Variants in NRG3 observed in about 807,000 individuals in gnomAD.
NRG3 encodes the protein neuregulin 3.
A neutral mutation model predicts 66.9 loss-of-function variants in NRG3; 31 were observed. That is an observed-to-expected ratio of 0.46 (90% CI 0.35 to 0.63). The LOEUF is 0.63. Ranked by LOEUF, NRG3 falls within the 20% of genes least tolerant of loss-of-function variation. The pLI is 0.00. For synonymous variants in NRG3, 393 were observed against 359.4 expected (o/e 1.09, Z -1.06); for missense variants, 910 against 878.9 (o/e 1.04, Z -0.45).
At chr10:82,014,786 T>C (rs1269431476) in intron 1 of NRG3, among the ~76,000 whole-genome samples, 1 of 152,038 alleles carries the variant, frequency 6.6e-6, no homozygotes, top group Non-Finnish European at 1.5e-5. Context: ...ACTAAAGGCA[T>C]GCAGTAGGAA....
chr10:82,378,017 G>A (rs965459951), intron 2 of NRG3, among the ~76,000 whole-genome samples: 1 of 152,228 alleles, frequency 6.6e-6, no homozygotes, highest in Non-Finnish European at 1.5e-5. Context: ...TGGATAACCA[G>A]TGAAGGGGAA....
intron 2 of NRG3, among the ~76,000 whole-genome samples, chr10:82,441,528 T>C (rs1264289918): frequency 6.6e-6 from 1 of 152,174 alleles, no homozygotes; most frequent in East Asian, 1.9e-4. Flanking sequence ...TGTATAAATA[T>C]CAGTACTTTG....
chr10:82,200,662 A>G lies in NRG3; in HGVS notation c.824-158077A>G, dbSNP rs80105738. ...AGAGAGAAAGTAAGTCGCATGCCCG[A>G]AGTCAAGCAGCTAGTACTGCAATGA... On this transcript the variant is annotated intron_variant, in intron 1 of 8. Transcript: ENST00000372141. 6.1e-3 allele frequency among the ~76,000 whole-genome samples: 931 copies of G among 152,244 alleles called. 10 individuals carry two copies. Among genetic ancestry groups the G allele is most frequent in the African/African-American group, 0.021 (888 of 41,552 alleles).
chr10:82,495,732 C>A (rs1453708602), intron 2 of NRG3, among the ~76,000 whole-genome samples: 2 of 151,904 alleles, frequency 1.3e-5, no homozygotes, highest in Non-Finnish European at 2.9e-5. Context: ...TAAGCCTCAT[C>A]AAATTCCTGG....
chr10:82,636,397 C>T (rs1291337668), intron 2 of NRG3, among the ~76,000 whole-genome samples: 1 of 152,032 alleles, frequency 6.6e-6, no homozygotes, highest in African/African-American at 2.4e-5. Context: ...CCTGGAGAAA[C>T]ATTAGTTTGC....
intron 1 of NRG3, among the ~76,000 whole-genome samples, chr10:82,015,526 G>C (rs1404794761): frequency 6.6e-6 from 1 of 151,990 alleles, no homozygotes; most frequent in Non-Finnish European, 1.5e-5. Context: ...TTGAATCATG[G>C]GGGTGGTTTC....
intron 4 of NRG3, among the ~76,000 whole-genome samples, chr10:82,910,021 A>AT (rs1256882889): frequency 6.6e-6 from 1 of 152,236 alleles, no homozygotes; most frequent in Non-Finnish European, 1.5e-5. Context: ...GAAGGTCTTG[A>AT]TTGCATATTG....
intron 2 of NRG3, among the ~76,000 whole-genome samples, chr10:82,517,225 T>G (rs1845744269): frequency 6.6e-6 from 1 of 152,150 alleles, no homozygotes; most frequent in African/African-American, 2.4e-5. Flanking sequence ...CCATCTGGCC[T>G]AATGAGATTC....
Position 82,824,747 on chromosome 10 carries a change from C to T in NRG3, c.1028-40664C>T, listed in dbSNP as rs376489730. The stretch of plus-strand genomic sequence containing the variant: ...TTTTTTTTTTTTTGAGGCAGGGTCT[C>T]ACTCTGTCACCCAGGCTTTAGTGTA... On this transcript the variant is annotated intron_variant, in intron 3 of 8. Coordinates refer to ENST00000372141, the MANE Select transcript of NRG3 (RefSeq NM_001010848.4). Among the ~76,000 whole-genome samples, 22 of 148,846 alleles carry T rather than the reference C, an allele frequency of 1.5e-4. No homozygotes were observed. The East Asian group carries it at 2.6e-3, about 17-fold the overall frequency.
At chr10:82,498,767 A>G (rs1843852618) in intron 2 of NRG3, among the ~76,000 whole-genome samples, 1 of 152,140 alleles carries the variant, frequency 6.6e-6, no homozygotes, top group South Asian at 2.1e-4. Context: ...CCTGTCACTC[A>G]ATGTTGCCTC....
In NRG3 at chr10:82,181,784, A is replaced by T. The variant is rs576997783; in HGVS notation, c.824-176955A>T. On this transcript the variant is annotated intron_variant, in intron 1 of 8. Transcript: ENST00000372141. ...TGTTTATAAGGCCCATTTGTTTTATATTGTGCAAGTTCTCTTTCCTTATTG... is the reference window on the plus strand; with the variant it reads ...TGTTTATAAGGCCCATTTGTTTTATTTTGTGCAAGTTCTCTTTCCTTATTG... Among the ~76,000 whole-genome samples, 6 of 151,824 alleles carry T rather than the reference A, an allele frequency of 4.0e-5. No individual in the cohort carries two copies. The South Asian group carries it at 1.2e-3, about 31-fold the overall frequency.
At chr10:82,529,903 A>G (rs1847093312) in intron 2 of NRG3, among the ~76,000 whole-genome samples, 1 of 152,182 alleles carries the variant, frequency 6.6e-6, no homozygotes, top group Admixed American at 6.6e-5. Context: ...AAAAAAGTCA[A>G]ACTGAAGTAG....
chr10:82,592,100 T>C (rs34321233), intron 2 of NRG3, among the ~76,000 whole-genome samples: 15,750 of 152,232 alleles, frequency 0.1, 1,047 homozygotes, highest in South Asian at 0.15. Flanking sequence ...TTAATAAGGA[T>C]AAACAAAACT....
chr10:82,628,020 G>T (rs1440918431), intron 2 of NRG3, among the ~76,000 whole-genome samples: 1 of 152,116 alleles, frequency 6.6e-6, no homozygotes, highest in Non-Finnish European at 1.5e-5. Flanking sequence ...AAACAAAGAC[G>T]CTTTACAAAG....
chr10:82,488,913 G>A (rs1314358226), intron 2 of NRG3, among the ~76,000 whole-genome samples: 1 of 152,132 alleles, frequency 6.6e-6, no homozygotes. Flanking sequence ...GCCTTGAATT[G>A]TGAATTTTTA....
At chr10:81,957,947 C>T (rs1454687132) in intron 1 of NRG3, among the ~76,000 whole-genome samples, 1 of 152,132 alleles carries the variant, frequency 6.6e-6, no homozygotes, top group Non-Finnish European at 1.5e-5. Context: ...ATTTATTCTT[C>T]TAAAATAAGT....
intron 1 of NRG3, among the ~76,000 whole-genome samples, chr10:82,014,471 C>T (rs1173172735): frequency 6.6e-6 from 1 of 152,156 alleles, no homozygotes. Context: ...AGCTAAACAC[C>T]ATCACAGAGT....
chr10:82,098,692 T>G (rs941356945), intron 1 of NRG3, among the ~76,000 whole-genome samples: 4 of 152,204 alleles, frequency 2.6e-5, no homozygotes, highest in Admixed American at 2.0e-4. Flanking sequence ...TTTTTGTTGT[T>G]GTTAGATATG....
chr10:82,096,187 A>G (rs966734422), intron 1 of NRG3, among the ~76,000 whole-genome samples: 1 of 152,154 alleles, frequency 6.6e-6, no homozygotes, highest in Admixed American at 6.5e-5. Flanking sequence ...TAAAAAATAC[A>G]TGAACATGGC....
Sources: gnomAD v4.1 joint callset for allele counts (sites outside exome capture counted in the v4.1 genomes callset) on GRCh38, gnomAD v4.1.1 for gene constraint, MANE v1.5 for transcripts, NCBI Gene and HGNC (gene_info 2026-07-23, HGNC 2026-07-21) for gene names.